The following FBLN7 variants were observed in gnomAD, a reference collection of about 807,000 sequenced individuals.
FBLN7 encodes fibulin 7.
Under a neutral mutation model 44.0 loss-of-function variants are expected in FBLN7, and 31 were observed. That is an observed-to-expected ratio of 0.70 (90% CI 0.53 to 0.95). The LOEUF (loss-of-function observed/expected upper bound fraction) is 0.95, where lower values mean the gene tolerates loss of function less well. FBLN7 is among the 40% of genes least tolerant of loss of function. The pLI, the probability that FBLN7 is intolerant of heterozygous loss-of-function variation, is 0.00. For missense variants in FBLN7, 573 were observed against 618.5 expected, an observed-to-expected ratio of 0.93 and a Z score of 0.78; for synonymous variants, 262 against 253.4, an observed-to-expected ratio of 1.03 and a Z score of -0.32.
the FBLN7 span, among the ~76,000 whole-genome samples, chr2:112,222,753 T>A: frequency 5.6e-4 from 86 of 152,332 alleles, no homozygotes; most frequent in African/African-American, 2.0e-3. Flanking sequence ...GGATGGTAGC[T>A]GTCAAGGCCT....
At chr2:112,219,201 G>A in the FBLN7 span, among the ~76,000 whole-genome samples, 1 of 152,140 alleles carries the variant, frequency 6.6e-6, no homozygotes, top group East Asian at 1.9e-4. Context: ...CAAAGTGATA[G>A]TAATCAAAAC....
chr2:112,179,157 A>G (rs1309379637), intron 4 of FBLN7, among the ~76,000 whole-genome samples: 2 of 152,236 alleles, frequency 1.3e-5, no homozygotes, highest in African/African-American at 2.4e-5. Context: ...TACAAAATCA[A>G]TGTAGAAAAA....
chr2:112,164,625 C>T (rs1439666020), intron 2 of FBLN7, among the ~76,000 whole-genome samples: 1 of 152,236 alleles, frequency 6.6e-6, no homozygotes, highest in East Asian at 1.9e-4. Context: ...GGAGCTGGGG[C>T]TGAGCCCGGC....
At chr2:112,168,398 G>A (rs1444785532) in intron 3 of FBLN7, among the ~76,000 whole-genome samples, 4 of 152,150 alleles carry the variant, frequency 2.6e-5, no homozygotes, top group Non-Finnish European at 4.4e-5. Flanking sequence ...GATGGGGCCT[G>A]GGCATTGACC....
chr2:112,199,632 C>T, the FBLN7 span, among the ~76,000 whole-genome samples: 20 of 152,316 alleles, frequency 1.3e-4, no homozygotes, highest in African/African-American at 4.8e-4. Flanking sequence ...CCAATTCCCT[C>T]CTGTTAAGAT....
At chr2:112,158,982 T>C (rs1471693668) in intron 1 of FBLN7, among the ~76,000 whole-genome samples, 2 of 152,202 alleles carry the variant, frequency 1.3e-5, no homozygotes, top group Non-Finnish European at 2.9e-5. Context: ...GATGCCTTGA[T>C]CTTGGACTTC....
the FBLN7 span, among the ~76,000 whole-genome samples, chr2:112,204,507 G>A: frequency 6.6e-6 from 1 of 151,990 alleles, no homozygotes; most frequent in African/African-American, 2.4e-5. Context: ...TCCACACTTA[G>A]ACCCATCATG....
At chr2:112,160,054 G>A (rs569489764) in intron 2 of FBLN7, among the ~76,000 whole-genome samples, 12 of 151,940 alleles carry the variant, frequency 7.9e-5, no homozygotes, top group South Asian at 2.1e-4. Flanking sequence ...GCAGTGGCGC[G>A]ATCTCGGCTC....
At chr2:112,160,700 GCACGCACACACA>G (rs1681737273) in intron 2 of FBLN7, among the ~76,000 whole-genome samples, 1 of 100,706 alleles carries the variant, frequency 9.9e-6, no homozygotes, top group African/African-American at 4.2e-5. Context: ...ACGCACACAC[GCACGCACACACA>G]CAAGCACGCG....
the FBLN7 span, among the ~76,000 whole-genome samples, chr2:112,223,074 A>G: frequency 6.6e-6 from 1 of 152,076 alleles, no homozygotes; most frequent in Non-Finnish European, 1.5e-5. Flanking sequence ...ACATTTGGAC[A>G]CAGGGTGGGG....
chr2:112,216,433 T>G, the FBLN7 span: 3 of 152,244 alleles, frequency 2.0e-5, no homozygotes, highest in African/African-American at 4.8e-5. Context: ...TGAACACGCA[T>G]GGGCGTTAAA....
At chr2:112,175,693 G>A (rs770312023) in intron 3 of FBLN7, 21 bp from the exon 4 acceptor site, 2 of 1,613,494 alleles carry the variant, frequency 1.2e-6, no homozygotes, top group South Asian at 1.1e-5. Context: ...CCGTATATTT[G>A]AAAATTATTT....
At chr2:112,165,236 T>G in intron 3 of FBLN7, 65 bp downstream of exon 3, 1 of 1,541,142 alleles carries the variant, frequency 6.5e-7, no homozygotes, top group South Asian at 1.2e-5. Context: ...GTTTCTTGCA[T>G]AGAAAGGGTC....
At position 112,171,359 on chromosome 2, in the gene FBLN7, C is replaced by T. The variant is rs146547975; in HGVS notation, c.407-4355C>T. Among the ~76,000 whole-genome samples, 53 of 151,872 alleles carry T rather than the reference C, an allele frequency of 3.5e-4. No homozygotes were observed. The East Asian group carries it at 8.2e-3, about 23-fold the overall frequency. On this transcript the variant is annotated intron_variant, in intron 3 of 7. Coordinates refer to ENST00000331203, the MANE Select transcript of FBLN7 (RefSeq NM_153214.3). ...GAGGGCGAAAGGAGACAGGAGGGGC[C>T]GGGAGAGGCAGACTTCGGGGAGGCT...
chr2:112,175,455 G>A (rs574633829), intron 3 of FBLN7, among the ~76,000 whole-genome samples: 4 of 152,328 alleles, frequency 2.6e-5, no homozygotes, highest in African/African-American at 9.6e-5. Flanking sequence ...GCCAGCTCCT[G>A]CATGCAGAGC....
At chr2:112,148,246 G>C (rs1307020443) in intron 1 of FBLN7, among the ~76,000 whole-genome samples, 1 of 152,188 alleles carries the variant, frequency 6.6e-6, no homozygotes, top group African/African-American at 2.4e-5. Flanking sequence ...TGGCTCCTCA[G>C]TCACTCTAGA....
At chr2:112,191,140 C>A (rs941316649), downstream of FBLN7, among the ~76,000 whole-genome samples, 2 of 152,030 alleles carry the variant, frequency 1.3e-5, no homozygotes, top group Admixed American at 1.3e-4. Context: ...TTATGCCCAG[C>A]AAATTTTTAT....
At chr2:112,202,445 A>T in the FBLN7 span, among the ~76,000 whole-genome samples, 4 of 151,632 alleles carry the variant, frequency 2.6e-5, no homozygotes, top group African/African-American at 9.7e-5. Context: ...AAATATATAT[A>T]TTTTTAAGTG....
chr2:112,168,289 T>A (rs1423692807), intron 3 of FBLN7, among the ~76,000 whole-genome samples: 1 of 152,224 alleles, frequency 6.6e-6, no homozygotes, highest in East Asian at 1.9e-4. Flanking sequence ...TCAGACAGCA[T>A]GTGCTATCAA....
Sources: allele counts gnomAD v4.1 joint callset (sites outside exome capture counted in the v4.1 genomes callset), GRCh38; gene constraint gnomAD v4.1.1; transcripts MANE v1.5; gene names NCBI Gene and HGNC (gene_info 2026-07-23, HGNC 2026-07-21).